The following PHACTR2 variants were observed in gnomAD, a reference collection of about 807,000 sequenced individuals.
PHACTR2 encodes the protein phosphatase and actin regulator 2, also known as chromosome 6 open reading frame 56.
In PHACTR2, 30 loss-of-function variants were observed where a neutral mutation model predicts 76.0. The ratio of observed to expected loss-of-function variants is 0.39; its 90% CI spans 0.30 to 0.54. The LOEUF is 0.54. Ranked by LOEUF, PHACTR2 falls within the 20% of genes least tolerant of loss-of-function variation. PHACTR2 has a pLI of 0.61. For missense variants in PHACTR2, 696 were observed against 781.1 expected (o/e 0.89, Z 1.30); for synonymous variants, 292 against 292.5 (o/e 1.00, Z 0.02).
Position 143,698,571 on chromosome 6 carries a change from A to G in PHACTR2, c.47-13445A>G, listed in dbSNP as rs114923761. 1.9e-3 allele frequency among the ~76,000 whole-genome samples: 293 copies of G among 152,320 alleles called. 4 individuals carry two copies. The highest frequency in any genetic ancestry group is 6.7e-3 in the African/African-American group (279 of 41,582). On this transcript the variant is annotated intron_variant, in intron 1 of 12. Coordinates refer to ENST00000440869, the MANE Select transcript of PHACTR2 (RefSeq NM_001100164.2). The surrounding 1 kb of genome is among the most constrained non-coding windows in gnomAD (Gnocchi z 4.3). The stretch of plus-strand genomic sequence containing the variant: ...ACAATTTTACCCTGAATTTTAACTC[A>G]TAATTTGGAGGCCATCTTGTGCTAT...
At chr6:143,564,424 T>A (rs1775333798) in intron 1 of PHACTR2, among the ~76,000 whole-genome samples, 1 of 151,840 alleles carries the variant, frequency 6.6e-6, no homozygotes, top group African/African-American at 2.4e-5. Context: ...TATAACATGA[T>A]TAGTCATTTT....
At position 143,664,458 on chromosome 6, in the gene PHACTR2, A is replaced by T. The variant is rs1393954337; in HGVS notation, c.14-47558A>T. 2.0e-5 allele frequency among the ~76,000 whole-genome samples: 3 copies of T among 152,102 alleles called. No individual in the cohort carries two copies. Among genetic ancestry groups the T allele is most frequent in the Admixed American group, 1.3e-4 (2 of 15,252 alleles). ...CTTAATTTGTGTCATCTTTTTAAGCATGCTCTTCTTCAATTTTCTTTCATT... is the reference window on the plus strand; with the variant it reads ...CTTAATTTGTGTCATCTTTTTAAGCTTGCTCTTCTTCAATTTTCTTTCATT... On this transcript the variant is annotated intron_variant, in intron 1 of 11. Transcript: ENST00000305766. The surrounding 1 kb of genome is among the most constrained non-coding windows in gnomAD (Gnocchi z 5.1).
chr6:143,781,288 A>G (rs1049453729), intron 9 of PHACTR2, among the ~76,000 whole-genome samples: 1 of 152,234 alleles, frequency 6.6e-6, no homozygotes, highest in African/African-American at 2.4e-5. Context: ...TTCTCTTTTT[A>G]GACATCACTG....
chr6:143,574,216 T>C lies in PHACTR2; in HGVS notation c.217+37009T>C, dbSNP rs564814961. ...GCTCTCACTGTGGGCTTCCTCAGCG[T>C]GGCTGCTCAGTTCCTCAAGGCAGGA... On this transcript the variant is annotated intron_variant, in intron 1 of 11. Transcript: ENST00000367584. Among the ~76,000 whole-genome samples, 30 of 152,358 alleles carry C rather than the reference T, an allele frequency of 2.0e-4. No individual in the cohort carries two copies. In the South Asian group the frequency reaches 3.9e-3, roughly 20 times the overall value.
Position 143,648,345 on chromosome 6 carries a change from T to A in PHACTR2, c.13+40023T>A, listed in dbSNP as rs9403520. On this transcript the variant is annotated intron_variant, in intron 1 of 11. Coordinates refer to the PHACTR2 transcript ENST00000305766. This position sits in a 1 kb window ranked among gnomAD's most constrained non-coding sequence, Gnocchi z 6.7. The stretch of plus-strand genomic sequence containing the variant: ...AATTAGTCATCACTTTGCCTTATTA[T>A]TTACTAAGCGTTCATCATAGTTCTA... Among the ~76,000 whole-genome samples, 75,194 of 151,970 alleles carry A rather than the reference T, an allele frequency of 0.49. 18,684 individuals are homozygous for A. Among genetic ancestry groups the A allele is most frequent in the South Asian group, 0.61 (2,925 of 4,824 alleles).
In PHACTR2 at chr6:143,646,979, A is replaced by C. The variant is rs1024385924; in HGVS notation, c.13+38657A>C. Reference sequence around the variant, plus strand: ...CCAGTGAGGTAAGCCTTGCTTCTAAAGAATTTTAAAATGTATTTTTAGCAA... The same window carrying C: ...CCAGTGAGGTAAGCCTTGCTTCTAACGAATTTTAAAATGTATTTTTAGCAA... On this transcript the variant is annotated intron_variant, in intron 1 of 11. Transcript: ENST00000305766. The surrounding 1 kb of genome is among the most constrained non-coding windows in gnomAD (Gnocchi z 4.1). Among the ~76,000 whole-genome samples the C allele has an allele frequency of 1.3e-5, 2 of 152,228 alleles. No individual in the cohort carries two copies. The highest frequency in any genetic ancestry group is 3.8e-4 in the East Asian group (2 of 5,198).
chr6:143,587,315 A>G (rs1775640111), intron 1 of PHACTR2, among the ~76,000 whole-genome samples: 1 of 152,240 alleles, frequency 6.6e-6, no homozygotes, highest in Admixed American at 6.5e-5. Flanking sequence ...GCATAGACAT[A>G]GGAATGCTAC....
At chr6:143,633,000 A>G (rs1776391555) in intron 1 of PHACTR2, among the ~76,000 whole-genome samples, 1 of 152,138 alleles carries the variant, frequency 6.6e-6, no homozygotes. Context: ...TTATTTATCC[A>G]TTCACCCACT....
rs1776489229 is a variant in PHACTR2, at chr6:143,824,210, TC to T, written c.*523del. ...TATTAAGGGATTTAGGAATTTAACC[TC>T]CTGATGTGGATTCCTCAAAGACTTG... On this transcript the variant is annotated 3_prime_UTR_variant, in exon 13 of 13. Coordinates refer to ENST00000440869, the MANE Select transcript of PHACTR2 (RefSeq NM_001100164.2). The surrounding 1 kb of genome is among the most constrained non-coding windows in gnomAD (Gnocchi z 6.3). 1 of 156,982 alleles carries T rather than the reference TC, an allele frequency of 6.4e-6. No homozygotes were observed. Among genetic ancestry groups the T allele is most frequent in the South Asian group, 1.9e-4 (1 of 5,306 alleles). The allele number at this position is 156,982 out of a possible 1,614,324, so 9.7% of individuals were successfully genotyped here.
intron 1 of PHACTR2, among the ~76,000 whole-genome samples, chr6:143,635,390 G>A (rs1223444108): frequency 6.6e-6 from 1 of 151,946 alleles, no homozygotes. Context: ...ACACATTTCA[G>A]AAATCTTCAG....
At chr6:143,711,297 G>T (rs754725098) in intron 1 of PHACTR2, among the ~76,000 whole-genome samples, 27 of 152,142 alleles carry the variant, frequency 1.8e-4, no homozygotes, top group Non-Finnish European at 3.1e-4. Context: ...ATTAAAATTT[G>T]ATAGTTGGTG....
intron 2 of PHACTR2, among the ~76,000 whole-genome samples, chr6:143,723,936 A>G (rs774945031): frequency 1.3e-5 from 2 of 151,714 alleles, no homozygotes; most frequent in African/African-American, 2.4e-5. Context: ...TCTTAACTGT[A>G]TAATTCTTCC....
intron 1 of PHACTR2, among the ~76,000 whole-genome samples, chr6:143,643,299 T>C (rs1261045255): frequency 6.6e-6 from 1 of 152,226 alleles, no homozygotes; most frequent in Non-Finnish European, 1.5e-5. Context: ...ACGTCCCTTC[T>C]AGTTGGAGAA....
At position 143,698,592 on chromosome 6, in the gene PHACTR2, G is replaced by A. The variant is rs780115319; in HGVS notation, c.47-13424G>A. On this transcript the variant is annotated intron_variant, in intron 1 of 12. Transcript: ENST00000440869. This position sits in a 1 kb window ranked among gnomAD's most constrained non-coding sequence, Gnocchi z 4.3. Reference sequence around the variant, plus strand: ...ACTCATAATTTGGAGGCCATCTTGTGCTATGTCTGCCGTGGGAACTAATGC... The same window carrying A: ...ACTCATAATTTGGAGGCCATCTTGTACTATGTCTGCCGTGGGAACTAATGC... 2.0e-5 allele frequency among the ~76,000 whole-genome samples: 3 copies of A among 152,200 alleles called. No individual in the cohort carries two copies. The highest frequency in any genetic ancestry group is 4.4e-5 in the Non-Finnish European group (3 of 68,030).
intron 12 of PHACTR2, among the ~76,000 whole-genome samples, chr6:143,808,699 T>A (rs111356685): frequency 0.016 from 2,400 of 152,306 alleles, 34 homozygotes; most frequent in Non-Finnish European, 0.023. Flanking sequence ...AAGAGCTGAA[T>A]GTACTTCTTC....
intron 1 of PHACTR2, among the ~76,000 whole-genome samples, chr6:143,669,900 T>C (rs1287731904): frequency 6.6e-6 from 1 of 152,226 alleles, no homozygotes; most frequent in East Asian, 1.9e-4. Context: ...ATTATGATGC[T>C]AGCTAGTTAT....
At chr6:143,687,426 T>C (rs140270932) in intron 1 of PHACTR2, among the ~76,000 whole-genome samples, 11 of 152,332 alleles carry the variant, frequency 7.2e-5, no homozygotes, top group African/African-American at 2.6e-4. Context: ...GCAGGTTAAC[T>C]GCTAGTCTCT....
chr6:143,773,927 A>G, intron 7 of PHACTR2, 132 bp from the exon 8 acceptor site: 1 of 603,776 alleles, frequency 1.7e-6, no homozygotes, highest in Non-Finnish European at 2.8e-6. Context: ...CCTTAGGTTA[A>G]TTAAGATTCT....
rs1412731650 is a variant in PHACTR2 at position 143,822,859 on chromosome 6, C to G, written c.1923-815C>G. ...GAACAGCATGTTCAAAAGCACCGGGCTACAAAAATGCAAGGAATGTTCAGG... is the reference window on the plus strand; with the variant it reads ...GAACAGCATGTTCAAAAGCACCGGGGTACAAAAATGCAAGGAATGTTCAGG... On this transcript the variant is annotated intron_variant, in intron 12 of 12. Coordinates refer to ENST00000440869, the MANE Select transcript of PHACTR2 (RefSeq NM_001100164.2). The surrounding 1 kb of genome is among the most constrained non-coding windows in gnomAD (Gnocchi z 5.5). Among the ~76,000 whole-genome samples the G allele has an allele frequency of 6.6e-6, 1 of 152,100 alleles. No homozygotes were observed. Among genetic ancestry groups the G allele is most frequent in the African/African-American group, 2.4e-5 (1 of 41,390 alleles).
Sources: gnomAD v4.1 joint callset for allele counts (sites outside exome capture counted in the v4.1 genomes callset) on GRCh38, gnomAD v4.1.1 for gene constraint, Gnocchi (gnomAD v3.1) non-coding constraint, MANE v1.5 for transcripts, NCBI Gene and HGNC (gene_info 2026-07-23, HGNC 2026-07-21) for gene names.